The following CIP2A variants were observed in gnomAD, a reference collection of about 807,000 sequenced individuals.
The protein encoded by CIP2A is protein CIP2A.
In CIP2A, 103 loss-of-function variants were observed where a neutral mutation model predicts 110.9. That is an observed-to-expected ratio of 0.93 (90% confidence interval 0.79 to 1.09). The LOEUF is 1.09. CIP2A is among the 50% of genes least tolerant of loss of function. The pLI, the probability that CIP2A is intolerant of heterozygous loss-of-function variation, is 0.00. For missense variants in CIP2A, 1,088 were observed against 1,038.4 expected (o/e 1.05, Z -0.66); for synonymous variants, 381 against 361.6 (o/e 1.05, Z -0.61).
chr3:108,564,739 T>C (rs1035577833), intron 12 of CIP2A, among the ~76,000 whole-genome samples: 3 of 151,886 alleles, frequency 2.0e-5, no homozygotes, highest in African/African-American at 7.2e-5. Context: ...GTCTATAAAG[T>C]CAACCTTCTC....
chr3:108,575,261 CAT>C (rs1157980822), intron 8 of CIP2A, among the ~76,000 whole-genome samples: 5 of 151,584 alleles, frequency 3.3e-5, no homozygotes, highest in East Asian at 1.9e-4. Context: ...TATATATGTA[CAT>C]GTGTATATAC....
At chr3:108,562,022 C>T (rs1029656809) in intron 13 of CIP2A, among the ~76,000 whole-genome samples, 2 of 152,036 alleles carry the variant, frequency 1.3e-5, no homozygotes, top group Admixed American at 6.6e-5. Context: ...CTTTACAGAC[C>T]ACTTTTAACT....
At position 108,551,093 on chromosome 3, in the gene CIP2A, AT is replaced by A; in HGVS notation, c.*55del. 10 of 512,050 alleles carry A rather than the reference AT, an allele frequency of 2.0e-5. No homozygotes were observed. The highest frequency in any genetic ancestry group is 3.1e-5 in the Non-Finnish European group (10 of 325,700). The allele number at this position is 512,050 out of a possible 1,614,324, so 31.7% of individuals were successfully genotyped here. ...AACTCCCCTACCCACCCCCCCTCCA[AT>A]AGATAAATACATCAAAAATATCATG... On this transcript the variant is annotated 3_prime_UTR_variant, in exon 21 of 21. Transcript: ENST00000295746.
Position 108,582,175 on chromosome 3 carries a change from A to G in CIP2A, c.385T>C (p.Tyr129His). The change falls in exon 4 of 21, where the codon TAT becomes CAT. Residue 129 changes from tyrosine to histidine, a missense_variant. Transcript: ENST00000295746. ...QCIQLLQKLT[Y>H]NVKIFYSGAN... ...CCAGAATAGAAAATTTTGACATTAT[A>G]TGTTAACTTCTGTAGAAGTTGAATG... 6.8e-7 allele frequency: 1 copy of G among 1,469,860 alleles called. No individual in the cohort carries two copies. The highest frequency in any genetic ancestry group is 9.4e-7 in the Non-Finnish European group (1 of 1,065,520). 91.1% of individuals were successfully genotyped at this position (1,469,860 alleles called of 1,614,324 possible). A position where few individuals can be genotyped will look rare whatever the true frequency, so the allele number is the denominator to read the frequency against.
intron 2 of CIP2A, among the ~76,000 whole-genome samples, chr3:108,584,055 C>T (rs1040902267): frequency 2.6e-5 from 4 of 152,066 alleles, no homozygotes; most frequent in African/African-American, 4.8e-5. Flanking sequence ...AATTTAGTAA[C>T]GGTTATCAAA....
At chr3:108,558,746 A>G (rs772826385) in intron 16 of CIP2A, among the ~76,000 whole-genome samples, 3 of 152,160 alleles carry the variant, frequency 2.0e-5, no homozygotes, top group Non-Finnish European at 4.4e-5. Context: ...AAGAGAGGAA[A>G]TGGTGTTCCA....
Position 108,580,399 on chromosome 3 carries a change from A to G in CIP2A, c.550-711T>C, listed in dbSNP as rs1384640668. Among the ~76,000 whole-genome samples, 3 of 150,930 alleles carry G rather than the reference A, an allele frequency of 2.0e-5. No individual in the cohort carries two copies. The East Asian group carries it at 5.9e-4, about 29-fold the overall frequency. On this transcript the variant is annotated intron_variant, in intron 5 of 20. Coordinates refer to ENST00000295746, the MANE Select transcript of CIP2A (RefSeq NM_020890.3). ...CCTTATATTTAAGTGTTTCCTAAAT[A>G]TGAACATATGAACTTTTTTTTCAAT...
chr3:108,585,221 T>C lies in CIP2A; in HGVS notation c.103-9A>G. 3 of 1,594,904 alleles carry C rather than the reference T, an allele frequency of 1.9e-6. No individual in the cohort carries two copies. The highest frequency in any genetic ancestry group is 2.3e-5 in the South Asian group (2 of 88,194). On this transcript the variant is annotated splice_polypyrimidine_tract_variant and intron_variant, in intron 1 of 20. Transcript: ENST00000295746. The stretch of plus-strand genomic sequence containing the variant: ...TTCTGTCCAGAAATTACCTATAAAA[T>C]AGTAATCAAAATGTGTTGGTTAAGC...
intron 8 of CIP2A, among the ~76,000 whole-genome samples, chr3:108,572,588 A>G (rs928159497): frequency 1.1e-4 from 14 of 133,108 alleles, no homozygotes; most frequent in African/African-American, 3.8e-4. Context: ...TAAGCACCTG[A>G]CATTTAAAAA....
In CIP2A at chr3:108,558,819, A is replaced by G. The variant is rs961727643; in HGVS notation, c.2013+938T>C. ...GAATATGTCAAGTTTCAGAAAAAGCAAAGTGGCCTAACATGGCTGACTGCA... is the reference window on the plus strand; with the variant it reads ...GAATATGTCAAGTTTCAGAAAAAGCGAAGTGGCCTAACATGGCTGACTGCA... On this transcript the variant is annotated intron_variant, in intron 16 of 20. Transcript: ENST00000295746. Among the ~76,000 whole-genome samples the G allele has an allele frequency of 4.6e-5, 7 of 152,332 alleles. No homozygotes were observed. In the East Asian group the frequency reaches 5.8e-4, roughly 13 times the overall value.
intron 8 of CIP2A, among the ~76,000 whole-genome samples, chr3:108,573,026 A>G (rs1408139305): frequency 6.6e-6 from 1 of 152,038 alleles, no homozygotes; most frequent in Non-Finnish European, 1.5e-5. Flanking sequence ...ATTAAATTTT[A>G]TCAAATGCTA....
chr3:108,580,593 G>A (rs1938836410), intron 5 of CIP2A, among the ~76,000 whole-genome samples: 2 of 151,652 alleles, frequency 1.3e-5, no homozygotes, highest in Non-Finnish European at 2.9e-5. Flanking sequence ...TGTTCACCAA[G>A]CACCTTAAAG....
rs1443551475 is a variant in CIP2A at position 108,575,891 on chromosome 3, T to TATAC, written c.894+379_894+380insGTAT. Reference sequence around the variant, plus strand: ...GTATATATACTCATATACATGTGTATGAGTATATATACATATATACATATA... The same window carrying TATAC: ...GTATATATACTCATATACATGTGTATATACGAGTATATATACATATATACATATA... On this transcript the variant is annotated intron_variant, in intron 8 of 20. Coordinates refer to ENST00000295746, the MANE Select transcript of CIP2A (RefSeq NM_020890.3). Among the ~76,000 whole-genome samples the TATAC allele has an allele frequency of 2.0e-4, 18 of 91,340 alleles. 2 individuals are homozygous for TATAC. The highest frequency in any genetic ancestry group is 4.8e-4 in the South Asian group (1 of 2,094). The allele number at this position is 91,340 out of a possible 152,430, so 59.9% of individuals were successfully genotyped here.
At chr3:108,562,988 A>G in intron 13 of CIP2A, 138 bp downstream of exon 13, 3 of 641,786 alleles carry the variant, frequency 4.7e-6, no homozygotes, top group South Asian at 4.4e-5. Context: ...AAACATTTTT[A>G]GAAATCACTT....
chr3:108,566,722 T>C, intron 10 of CIP2A, 84 bp from the exon 11 acceptor site: 1 of 799,868 alleles, frequency 1.3e-6, no homozygotes, highest in Non-Finnish European at 1.9e-6. Flanking sequence ...ATACAAATTA[T>C]ATCATCACTG....
intron 2 of CIP2A, among the ~76,000 whole-genome samples, chr3:108,584,680 A>G (rs1295626868): frequency 2.0e-5 from 3 of 152,192 alleles, no homozygotes; most frequent in Non-Finnish European, 4.4e-5. Flanking sequence ...CTCTGTGTTA[A>G]TACTTCTGGA....
At chr3:108,587,472 A>C (rs1939083732) in intron 1 of CIP2A, among the ~76,000 whole-genome samples, 1 of 152,194 alleles carries the variant, frequency 6.6e-6, no homozygotes, top group African/African-American at 2.4e-5. Flanking sequence ...GAGGCAATGA[A>C]GAAACCCTAT....
chr3:108,581,299 G>C (rs62266401), intron 5 of CIP2A, 116 bp downstream of exon 5: 15,298 of 710,268 alleles, frequency 0.022, 227 homozygotes, highest in Non-Finnish European at 0.024. Context: ...TGGGTCATCC[G>C]ATAAGACACA....
Position 108,567,723 on chromosome 3 carries a change from T to A in CIP2A, c.1273+432A>T, listed in dbSNP as rs115230094. 5.6e-3 allele frequency among the ~76,000 whole-genome samples: 855 copies of A among 152,008 alleles called. 3 individuals carry two copies. Among genetic ancestry groups the A allele is most frequent in the South Asian group, 0.014 (67 of 4,822 alleles). ...ATAAGGTAAAACAACTGAGCTAAAA[T>A]CATGACAACTCTATCAGCATTTCTT... On this transcript the variant is annotated intron_variant, in intron 10 of 20. Transcript: ENST00000295746.
Sources: allele counts gnomAD v4.1 joint callset (sites outside exome capture counted in the v4.1 genomes callset), GRCh38; gene constraint gnomAD v4.1.1; transcripts MANE v1.5; gene names NCBI Gene and HGNC (gene_info 2026-07-23, HGNC 2026-07-21).